Variants in KRABD5 observed in about 807,000 individuals in gnomAD.
KRABD5 encodes the protein KRAB domain containing 5.
the KRABD5 span, chr16:31,761,438 A>C: frequency 6.6e-6 from 1 of 152,138 alleles, no homozygotes. Flanking sequence ...TGTTTAATTT[A>C]GTGGTGAACC....
chr16:31,747,679 A>T, the KRABD5 span, among the ~76,000 whole-genome samples: 3 of 152,148 alleles, frequency 2.0e-5, no homozygotes, highest in Non-Finnish European at 4.4e-5. Flanking sequence ...AATGATCGCC[A>T]TTGTAACTGG....
the KRABD5 span, among the ~76,000 whole-genome samples, chr16:31,731,676 C>G: frequency 6.6e-6 from 1 of 152,190 alleles, no homozygotes; most frequent in African/African-American, 2.4e-5. Context: ...TAGAGCCAAA[C>G]TTACAGGGCT....
At chr16:31,722,476 A>G in the KRABD5 span, 4 of 858,538 alleles carry the variant, frequency 4.7e-6, no homozygotes, top group Non-Finnish European at 7.1e-6. Flanking sequence ...CATAGAAAAT[A>G]TTATTGTGTT....
At chr16:31,736,212 A>T in the KRABD5 span, among the ~76,000 whole-genome samples, 1 of 152,080 alleles carries the variant, frequency 6.6e-6, no homozygotes, top group Non-Finnish European at 1.5e-5. Flanking sequence ...CAGCTTTAGG[A>T]GCATGAATTT....
At chr16:31,750,478 G>A in the KRABD5 span, among the ~76,000 whole-genome samples, 1 of 152,062 alleles carries the variant, frequency 6.6e-6, no homozygotes, top group East Asian at 1.9e-4. Flanking sequence ...GAGCAGAGAT[G>A]ATGTTACTTT....
chr16:31,725,770 T>C, the KRABD5 span, among the ~76,000 whole-genome samples: 9 of 152,250 alleles, frequency 5.9e-5, no homozygotes, highest in Non-Finnish European at 8.8e-5. Flanking sequence ...GCTACTTTTA[T>C]GTAATCCCTG....
the KRABD5 span, chr16:31,761,375 A>G: frequency 6.6e-6 from 1 of 151,922 alleles, no homozygotes; most frequent in African/African-American, 2.4e-5. Context: ...TTTCTACTGT[A>G]TTTTGCTGTA....
At chr16:31,715,055 C>G in the KRABD5 span, among the ~76,000 whole-genome samples, 1 of 152,040 alleles carries the variant, frequency 6.6e-6, no homozygotes, top group Non-Finnish European at 1.5e-5. Flanking sequence ...GGGAAGGGCA[C>G]GACTCCTGGA....
the KRABD5 span, among the ~76,000 whole-genome samples, chr16:31,721,735 ACT>A: frequency 6.6e-6 from 1 of 152,196 alleles, no homozygotes; most frequent in Non-Finnish European, 1.5e-5. Context: ...ATTTCATAAA[ACT>A]CTCAATTCCA....
At chr16:31,759,683 T>G in the KRABD5 span, 188 of 270,618 alleles carry the variant, frequency 6.9e-4, no homozygotes, top group Non-Finnish European at 8.7e-4. Flanking sequence ...TAATAGCATT[T>G]GTATAAATGT....
the KRABD5 span, among the ~76,000 whole-genome samples, chr16:31,722,918 GT>G: frequency 4.6e-5 from 7 of 151,718 alleles, no homozygotes; most frequent in Non-Finnish European, 8.8e-5. Context: ...ACTTCCTAAT[GT>G]TTGATCTTGA....
the KRABD5 span, chr16:31,755,368 C>T: frequency 6.2e-5 from 31 of 500,426 alleles, no homozygotes; most frequent in Admixed American, 1.3e-4. Context: ...GAATTCATAC[C>T]GGAGAGAAAC....
the KRABD5 span, among the ~76,000 whole-genome samples, chr16:31,735,538 G>A: frequency 2.5e-3 from 380 of 152,190 alleles, 1 homozygote; most frequent in African/African-American, 8.9e-3. Context: ...CAGTATATAT[G>A]TGTTCCTTTT....
chr16:31,754,052 T>A, the KRABD5 span: 1 of 945,172 alleles, frequency 1.1e-6, no homozygotes, highest in Non-Finnish European at 1.7e-6. Flanking sequence ...TTTCTGTAAG[T>A]AAGTGTCAAC....
chr16:31,755,317 C>T, the KRABD5 span: 101 of 506,936 alleles, frequency 2.0e-4, no homozygotes, highest in Non-Finnish European at 3.6e-4. Context: ...AAGAATGTGG[C>T]AAAGCCTTTA....
the KRABD5 span, among the ~76,000 whole-genome samples, chr16:31,735,310 C>T: frequency 6.6e-6 from 1 of 152,008 alleles, no homozygotes; most frequent in Non-Finnish European, 1.5e-5. Flanking sequence ...ATCCATTTAT[C>T]TCTTGGTGTA....
the KRABD5 span, among the ~76,000 whole-genome samples, chr16:31,751,893 C>T: frequency 7.3e-4 from 111 of 152,212 alleles, 2 homozygotes; most frequent in East Asian, 0.02. Flanking sequence ...ATAGGCATTT[C>T]GTGTTATAAG....
the KRABD5 span, among the ~76,000 whole-genome samples, chr16:31,736,196 A>G: frequency 6.6e-6 from 1 of 152,226 alleles, no homozygotes; most frequent in Non-Finnish European, 1.5e-5. Context: ...TTTGTTGAAA[A>G]TCAGTCAGCT....
At chr16:31,725,894 C>T in the KRABD5 span, among the ~76,000 whole-genome samples, 1 of 152,212 alleles carries the variant, frequency 6.6e-6, no homozygotes, top group African/African-American at 2.4e-5. Context: ...TATATTTTCT[C>T]CCAGTCCTTA....
Sources: gnomAD v4.1 joint callset for allele counts (sites outside exome capture counted in the v4.1 genomes callset) on GRCh38, gnomAD v4.1.1 for gene constraint, MANE v1.5 for transcripts, NCBI Gene and HGNC (gene_info 2026-07-23, HGNC 2026-07-21) for gene names.